The following CROCC variants were observed in gnomAD, a reference collection of about 807,000 sequenced individuals.
CROCC encodes the protein rootletin.
Under a neutral mutation model 245.2 loss-of-function variants are expected in CROCC, and 180 were observed. That is an observed-to-expected ratio of 0.73 (90% CI 0.65 to 0.83). CROCC has a LOEUF of 0.83. CROCC is among the 40% of genes least tolerant of loss of function. The probability of loss-of-function intolerance (pLI) is 0.00; values close to 1 mark genes in which losing one functional copy is unlikely to be tolerated. For synonymous variants in CROCC, 1,205 were observed against 1,241.6 expected (o/e 0.97, Z 0.62); for missense variants, 2,688 against 2,779.4 (o/e 0.97, Z 0.74).
At chr1:16,945,860 C>G (rs911103249) in intron 15 of CROCC, among the ~76,000 whole-genome samples, 1 of 152,290 alleles carries the variant, frequency 6.6e-6, no homozygotes, top group African/African-American at 2.4e-5. Flanking sequence ...GGGGCAATGC[C>G]TATAGCTCAG....
In CROCC at chr1:16,948,377, GGCGGGAGGCCCA is replaced by G. The variant is rs1557617191; in HGVS notation, c.2566_2577del (p.Glu856_Arg859del). ...CGGGAGCAGGAGCTGGAGCAGGCCC[GGCGGGAGGCCCA>G]GCGGCAAGTGGAGGCGCTGGAGCGA... On this transcript the variant is annotated inframe_deletion, in exon 18 of 37. Transcript: ENST00000375541. 6.3e-7 allele frequency: 1 copy of G among 1,578,602 alleles called. No individual in the cohort carries two copies. The highest frequency in any genetic ancestry group is 8.6e-7 in the Non-Finnish European group (1 of 1,165,460).
chr1:16,922,230 C>A (rs2075424484), intron 1 of CROCC, 152 bp downstream of exon 1: 1 of 785,696 alleles, frequency 1.3e-6, no homozygotes, highest in Non-Finnish European at 2.0e-6. Flanking sequence ...CAGTTCCTGG[C>A]AAGATGGGGG....
At chr1:16,920,905 G>A (rs1284613748), upstream of CROCC, among the ~76,000 whole-genome samples, 6 of 152,178 alleles carry the variant, frequency 3.9e-5, no homozygotes, top group African/African-American at 2.4e-5. Context: ...CACCACACCC[G>A]GCTAATTTTT....
At chr1:16,940,200 A>G in intron 13 of CROCC, 107 bp downstream of exon 13, 1 of 1,183,374 alleles carries the variant, frequency 8.5e-7, no homozygotes, top group Non-Finnish European at 1.2e-6. Context: ...GGTCGCCACT[A>G]GCTGCATGTG....
At position 16,936,881 on chromosome 1, in the gene CROCC, C is replaced by T. The variant is rs1244555199; in HGVS notation, c.1193+8C>T. 1.2e-6 allele frequency: 2 copies of T among 1,605,662 alleles called. No individual in the cohort carries two copies. Among genetic ancestry groups the T allele is most frequent in the East Asian group, 2.2e-5 (1 of 44,770 alleles). On this transcript the variant is annotated splice_region_variant and intron_variant, in intron 9 of 36. Transcript: ENST00000375541. ...GGCTGACCTCAGTGCCAGGTGGGTA[C>T]CTGGTGGATGCCGCACGAGGCAGGC...
intron 8 of CROCC, among the ~76,000 whole-genome samples, chr1:16,932,445 A>G (rs1387517728): frequency 2.0e-5 from 3 of 152,392 alleles, no homozygotes; most frequent in South Asian, 2.1e-4. Context: ...CATCCAAAAA[A>G]AGTAAAATAA....
upstream of CROCC, among the ~76,000 whole-genome samples, chr1:16,917,253 G>A (rs1463203109): frequency 6.6e-6 from 1 of 152,310 alleles, no homozygotes; most frequent in Non-Finnish European, 1.5e-5. Context: ...GCTGTCATCT[G>A]TAAAGTGAGT....
intron 18 of CROCC, 132 bp downstream of exon 18, chr1:16,948,656 G>C (rs958812008): frequency 7.8e-5 from 118 of 1,512,344 alleles, no homozygotes; most frequent in Non-Finnish European, 1.0e-4. Flanking sequence ...TCCTAGCTGT[G>C]GCTCAGGCTT....
intron 26 of CROCC, among the ~76,000 whole-genome samples, chr1:16,960,092 C>T (rs949846982): frequency 2.0e-5 from 3 of 152,104 alleles, no homozygotes; most frequent in Non-Finnish European, 4.4e-5. Flanking sequence ...CATGGCAAAA[C>T]TCTGTCTCTA....
At chr1:16,943,390 T>G (rs2075973427) in intron 13 of CROCC, among the ~76,000 whole-genome samples, 1 of 152,116 alleles carries the variant, frequency 6.6e-6, no homozygotes, top group South Asian at 2.1e-4. Flanking sequence ...TACAACAAAT[T>G]ACCCGGACAT....
rs1440647906 is a variant in CROCC, at chr1:16,924,447, C to T, written c.319C>T (p.Leu107Phe). 2 of 1,613,342 alleles carry T rather than the reference C, an allele frequency of 1.2e-6. No individual in the cohort carries two copies. The part of the protein sequence containing the change: ...LAQSRAERDE[L>F]AIKYNAVSER... The stretch of plus-strand genomic sequence containing the variant: ...CCAGAGCCGTGCCGAGCGCGATGAG[C>T]TCGCCATTAAGTACAATGCGGTCAG... The change falls in exon 3 of 37, where the codon CTC (leucine) becomes TTC (phenylalanine). Residue 107 changes from leucine to phenylalanine, a missense_variant. Leu to Phe is a conservative substitution (Grantham distance 22). Around this residue, in one of 9 missense-constraint regions of CROCC, gnomAD observed 972 missense variants for 895.3 expected, o/e 1.09. Coordinates refer to ENST00000375541, the MANE Select transcript of CROCC (RefSeq NM_014675.5).
chr1:16,948,648 C>T lies in CROCC; in HGVS notation c.2708+124C>T, dbSNP rs1437578060. On this transcript the variant is annotated intron_variant, in intron 18 of 36. Coordinates refer to ENST00000375541, the MANE Select transcript of CROCC (RefSeq NM_014675.5). Reference sequence around the variant, plus strand: ...AAGGAGTCTGGCTTGCCGACTCGTCCTAGCTGTGGCTCAGGCTTCCCCAGG... The same window carrying T: ...AAGGAGTCTGGCTTGCCGACTCGTCTTAGCTGTGGCTCAGGCTTCCCCAGG... The T allele has an allele frequency of 4.0e-6, 6 of 1,505,130 alleles. No homozygotes were observed. In the East Asian group the frequency reaches 1.2e-4, roughly 29 times the overall value. 93.2% of individuals were successfully genotyped at this position (1,505,130 alleles called of 1,614,324 possible). A position where few individuals can be genotyped will look rare whatever the true frequency, so the allele number is the denominator to read the frequency against.
chr1:16,918,395 G>A (rs2075334304), upstream of CROCC, among the ~76,000 whole-genome samples: 1 of 142,840 alleles, frequency 7.0e-6, no homozygotes. Context: ...ACAGAACCCA[G>A]CAGGACTCTG....
intron 27 of CROCC, among the ~76,000 whole-genome samples, chr1:16,964,129 T>C (rs1413923550): frequency 6.9e-6 from 1 of 145,404 alleles, no homozygotes; most frequent in Non-Finnish European, 1.5e-5. Flanking sequence ...TTCTTTTCTT[T>C]TTTCTTTATT....
rs138263884 is a variant in CROCC, at chr1:16,931,300, G to A, written c.859G>A (p.Ala287Thr). ...AWRREEESFN[A>T]YFSNEHSRLL... is the part of the protein sequence containing the mutation. ...CATGTCTTCCCTCCAGTCCTTCAAC[G>A]CCTACTTCAGCAACGAGCACAGTCG... Residue 287 changes from alanine to threonine, a missense_variant, in exon 8 of 37, where the codon GCC becomes ACC. This residue lies in a region of CROCC where 972 missense variants were observed against 895.3 expected (regional missense o/e 1.09). Transcript: ENST00000375541. 1.7e-5 allele frequency: 28 copies of A among 1,610,756 alleles called. No individual in the cohort carries two copies. The African/African-American group carries it at 2.7e-4, about 15-fold the overall frequency.
intron 25 of CROCC, among the ~76,000 whole-genome samples, chr1:16,957,684 A>T (rs2076269259): frequency 6.6e-6 from 1 of 152,076 alleles, no homozygotes; most frequent in Non-Finnish European, 1.5e-5. Flanking sequence ...ATGTCAGGTG[A>T]TCCACCCACC....
chr1:16,930,800 A>G (rs2075658509), intron 7 of CROCC, among the ~76,000 whole-genome samples: 1 of 152,296 alleles, frequency 6.6e-6, no homozygotes, highest in Non-Finnish European at 1.5e-5. Flanking sequence ...TTTATTCCTC[A>G]TGATAACTGC....
In CROCC at chr1:16,953,297, C is replaced by T. The variant is rs1289467808; in HGVS notation, c.3007-5C>T. On this transcript the variant is annotated splice_region_variant and splice_polypyrimidine_tract_variant and intron_variant, in intron 20 of 36. Coordinates refer to ENST00000375541, the MANE Select transcript of CROCC (RefSeq NM_014675.5). Reference sequence around the variant, plus strand: ...TGTCACAGGCATCCGGTCCTGGCCCCCTAGGAGGCAGCATGGCGGGAGCTG... The same window carrying T: ...TGTCACAGGCATCCGGTCCTGGCCCTCTAGGAGGCAGCATGGCGGGAGCTG... The T allele has an allele frequency of 1.3e-6, 2 of 1,576,348 alleles. No individual in the cohort carries two copies. The highest frequency in any genetic ancestry group is 1.7e-6 in the Non-Finnish European group (2 of 1,163,572).
Position 16,933,987 on chromosome 1 carries a change from C to G in CROCC, c.956+2590C>G, listed in dbSNP as rs1488597317. On this transcript the variant is annotated intron_variant, in intron 8 of 36. Coordinates refer to ENST00000375541, the MANE Select transcript of CROCC (RefSeq NM_014675.5). ...GGTGTCAATTAACATGTTTCTTTATCCCATGTATTTCCTGTAAATTGGATG... is the reference window on the plus strand; with the variant it reads ...GGTGTCAATTAACATGTTTCTTTATGCCATGTATTTCCTGTAAATTGGATG... Among the ~76,000 whole-genome samples, 3 of 152,252 alleles carry G rather than the reference C, an allele frequency of 2.0e-5. No homozygotes were observed. The East Asian group carries it at 5.8e-4, about 29-fold the overall frequency.
Sources: gnomAD v4.1 joint callset for allele counts (sites outside exome capture counted in the v4.1 genomes callset) on GRCh38, gnomAD v4.1.1 for gene constraint, gnomAD v4.1.1 regional missense constraint, MANE v1.5 for transcripts, NCBI Gene and HGNC (gene_info 2026-07-23, HGNC 2026-07-21) for gene names.